The following COMMD10 variants were observed in gnomAD, a reference collection of about 807,000 sequenced individuals.
COMMD10 encodes COMM domain-containing protein 10.
A neutral mutation model predicts 28.9 loss-of-function variants in COMMD10; 33 were observed. The observed-to-expected ratio is 1.14, with a 90% CI of 0.87 to 1.53. COMMD10 has a LOEUF of 1.53. Among genes scored for constraint, COMMD10 ranks in the 40% most tolerant of loss-of-function variants. The pLI is 0.00. For synonymous variants in COMMD10, 110 were observed against 81.7 expected, an observed-to-expected ratio of 1.35 and a Z score of -1.87; for missense variants, 310 against 233.4, an observed-to-expected ratio of 1.33 and a Z score of -2.14.
intron 5 of COMMD10, among the ~76,000 whole-genome samples, chr5:116,214,237 A>C (rs1474742936): frequency 6.6e-6 from 1 of 152,158 alleles, no homozygotes; most frequent in Non-Finnish European, 1.5e-5. Context: ...GAAGAAATAG[A>C]AAATATAATT....
In COMMD10 at chr5:116,090,994, A is replaced by G. The variant is rs1750276452; in HGVS notation, c.133-85A>G. 10 of 733,810 alleles carry G rather than the reference A, an allele frequency of 1.4e-5. No homozygotes were observed. The South Asian group carries it at 2.0e-4, about 14-fold the overall frequency. The allele number at this position is 733,810 out of a possible 1,614,324, so 45.5% of individuals were successfully genotyped here. A position where few individuals can be genotyped will look rare whatever the true frequency, so the allele number is the denominator to read the frequency against. On this transcript the variant is annotated intron_variant, in intron 2 of 6. Coordinates refer to ENST00000274458, the MANE Select transcript of COMMD10 (RefSeq NM_016144.4). ...TTTTTCTTTAAAGTTCTCATCTCATATACGAATAAATGAATCTTCTGTCAA... is the reference window on the plus strand; with the variant it reads ...TTTTTCTTTAAAGTTCTCATCTCATGTACGAATAAATGAATCTTCTGTCAA...
chr5:116,112,338 A>G (rs1003153444), intron 4 of COMMD10, among the ~76,000 whole-genome samples: 2 of 151,638 alleles, frequency 1.3e-5, no homozygotes, highest in African/African-American at 4.9e-5. Flanking sequence ...CCACCCCTTT[A>G]CTTTTAGTCT....
intron 5 of COMMD10, among the ~76,000 whole-genome samples, chr5:116,263,941 A>G (rs929777582): frequency 6.6e-6 from 1 of 151,854 alleles, no homozygotes; most frequent in Non-Finnish European, 1.5e-5. Flanking sequence ...TATTTGGCTC[A>G]GAATAAATCT....
At chr5:116,281,977 T>C (rs1751080708) in intron 5 of COMMD10, among the ~76,000 whole-genome samples, 2 of 151,872 alleles carry the variant, frequency 1.3e-5, no homozygotes, top group Admixed American at 1.3e-4. Context: ...CTTTCATGGT[T>C]TTAAATATCA....
intron 5 of COMMD10, among the ~76,000 whole-genome samples, chr5:116,152,395 G>T (rs1460047124): frequency 1.3e-5 from 2 of 152,018 alleles, no homozygotes; most frequent in Non-Finnish European, 2.9e-5. Flanking sequence ...AGCTGTGAAA[G>T]AAGAAATCCA....
chr5:116,177,998 T>A (rs1446219591), intron 5 of COMMD10, among the ~76,000 whole-genome samples: 5 of 152,132 alleles, frequency 3.3e-5, no homozygotes, highest in African/African-American at 1.2e-4. Context: ...TACCTTAACT[T>A]AAAAAGATAG....
At chr5:116,142,735 A>G (rs1752233132) in intron 5 of COMMD10, among the ~76,000 whole-genome samples, 1 of 151,686 alleles carries the variant, frequency 6.6e-6, no homozygotes, top group African/African-American at 2.4e-5. Context: ...GTATTACTTT[A>G]GTGCACAAAT....
chr5:116,241,011 C>G (rs1250120066), intron 5 of COMMD10, among the ~76,000 whole-genome samples: 3 of 152,118 alleles, frequency 2.0e-5, no homozygotes, highest in Admixed American at 6.5e-5. Context: ...AAATTCTTCA[C>G]ATTAAGAAGG....
intron 5 of COMMD10, among the ~76,000 whole-genome samples, chr5:116,264,716 T>G (rs887120348): frequency 1.3e-5 from 2 of 152,032 alleles, no homozygotes; most frequent in South Asian, 2.1e-4. Flanking sequence ...TTTTTTTCTT[T>G]AGGAGCTTGA....
At chr5:116,108,143 A>G (rs988831203) in intron 4 of COMMD10, among the ~76,000 whole-genome samples, 1 of 152,194 alleles carries the variant, frequency 6.6e-6, no homozygotes, top group African/African-American at 2.4e-5. Context: ...GTCAGGATAC[A>G]CAGGGGTCAG....
intron 5 of COMMD10, among the ~76,000 whole-genome samples, chr5:116,150,076 G>C (rs946443534): frequency 1.3e-5 from 2 of 152,050 alleles, no homozygotes; most frequent in Non-Finnish European, 1.5e-5. Flanking sequence ...TCTACATATG[G>C]CTAGCCAGTT....
At chr5:116,173,174 T>C (rs1163067140) in intron 5 of COMMD10, among the ~76,000 whole-genome samples, 2 of 152,142 alleles carry the variant, frequency 1.3e-5, no homozygotes, top group African/African-American at 4.8e-5. Context: ...TTCATATTTA[T>C]TCCATTTTTG....
intron 5 of COMMD10, among the ~76,000 whole-genome samples, chr5:116,154,699 C>G (rs904995645): frequency 6.6e-6 from 1 of 152,050 alleles, no homozygotes; most frequent in African/African-American, 2.4e-5. Context: ...TTCCTTAATC[C>G]TCATCTCTGC....
intron 5 of COMMD10, among the ~76,000 whole-genome samples, chr5:116,271,612 G>C (rs1174583324): frequency 1.3e-5 from 2 of 151,658 alleles, no homozygotes; most frequent in African/African-American, 2.4e-5. Context: ...ATTTAAGAAG[G>C]CATTAGTCAT....
chr5:116,285,462 T>C (rs1022429473), intron 5 of COMMD10, among the ~76,000 whole-genome samples: 3 of 151,898 alleles, frequency 2.0e-5, no homozygotes, highest in African/African-American at 2.4e-5. Flanking sequence ...TGGAAGACTA[T>C]GGAGTATATG....
intron 5 of COMMD10, among the ~76,000 whole-genome samples, chr5:116,208,114 A>C (rs1748865472): frequency 6.6e-6 from 1 of 152,118 alleles, no homozygotes; most frequent in Non-Finnish European, 1.5e-5. Context: ...TCTTGCTGAA[A>C]TAAATATAAC....
intron 5 of COMMD10, among the ~76,000 whole-genome samples, chr5:116,222,983 C>G (rs544725534): frequency 2.6e-5 from 4 of 152,282 alleles, no homozygotes; most frequent in African/African-American, 9.6e-5. Context: ...AGCCACTGCG[C>G]TCAGCCGCCC....
chr5:116,152,645 A>G (rs1752571486), intron 5 of COMMD10, among the ~76,000 whole-genome samples: 2 of 152,118 alleles, frequency 1.3e-5, no homozygotes, highest in African/African-American at 4.8e-5. Flanking sequence ...AGAATAAAAC[A>G]TCTTTTAAAA....
At chr5:116,182,906 G>A (rs915006822) in intron 5 of COMMD10, among the ~76,000 whole-genome samples, 1 of 152,068 alleles carries the variant, frequency 6.6e-6, no homozygotes, top group Admixed American at 6.6e-5. Context: ...CAAGAGATCT[G>A]ATGGTTTTTT....
Sources: gnomAD v4.1 joint callset for allele counts (sites outside exome capture counted in the v4.1 genomes callset) on GRCh38, gnomAD v4.1.1 for gene constraint, MANE v1.5 for transcripts, NCBI Gene and HGNC (gene_info 2026-07-23, HGNC 2026-07-21) for gene names.